Variants in MCC observed in about 807,000 individuals in gnomAD.
MCC encodes the protein MCC regulator of Wnt signaling pathway.
In MCC, 90 loss-of-function variants were observed where a neutral mutation model predicts 116.2. That is an observed-to-expected ratio of 0.77 (90% confidence interval 0.65 to 0.92). The LOEUF is 0.92. Ranked by LOEUF, MCC falls within the 40% of genes least tolerant of loss-of-function variation. The pLI, the probability that MCC is intolerant of heterozygous loss-of-function variation, is 0.00. For missense variants in MCC, 1,516 were observed against 1,312.2 expected (o/e 1.16, Z -2.40); for synonymous variants, 578 against 510.5 (o/e 1.13, Z -1.78).
chr5:113,292,189 A>C (rs763042002), intron 3 of MCC, among the ~76,000 whole-genome samples: 5 of 152,246 alleles, frequency 3.3e-5, no homozygotes, highest in Non-Finnish European at 7.4e-5. Context: ...CCGAGATTGC[A>C]CCACTGCACT....
At chr5:113,161,053 T>C (rs964562755) in intron 3 of MCC, among the ~76,000 whole-genome samples, 8 of 152,144 alleles carry the variant, frequency 5.3e-5, no homozygotes, top group Non-Finnish European at 1.2e-4. Context: ...TGTAAGACAA[T>C]AGTAGCTATT....
intron 3 of MCC, among the ~76,000 whole-genome samples, chr5:113,251,920 C>G (rs73779002): frequency 0.058 from 8,889 of 152,176 alleles, 848 homozygotes; most frequent in African/African-American, 0.2. Context: ...AGAAGAGGAA[C>G]AGGAGCAGAG....
At chr5:113,127,444 C>G (rs548610975) in intron 5 of MCC, among the ~76,000 whole-genome samples, 2 of 152,274 alleles carry the variant, frequency 1.3e-5, no homozygotes, top group South Asian at 4.1e-4. Context: ...CCCACAATGA[C>G]TGAACTCATT....
intron 3 of MCC, among the ~76,000 whole-genome samples, chr5:113,272,588 T>C (rs992723835): frequency 2.0e-5 from 3 of 152,312 alleles, no homozygotes; most frequent in East Asian, 1.9e-4. Flanking sequence ...TTTCTAATTA[T>C]CAGGATACAC....
In MCC at chr5:113,321,495, G is replaced by C. The variant is rs74574042; in HGVS notation, c.627+19024C>G. ...GAGAGGAAATGCATAAACCAGGCAA[G>C]TGCGGAGCCCACATTAGGAAACTCC... On this transcript the variant is annotated intron_variant, in intron 3 of 18. Transcript: ENST00000408903. Among the ~76,000 whole-genome samples, 1,369 of 152,314 alleles carry C rather than the reference G, an allele frequency of 9.0e-3. 28 individuals carry two copies. Among genetic ancestry groups the C allele is most frequent in the African/African-American group, 0.032 (1,329 of 41,578 alleles).
chr5:113,345,458 G>T (rs997412321), intron 2 of MCC, among the ~76,000 whole-genome samples: 1 of 152,228 alleles, frequency 6.6e-6, no homozygotes, highest in Non-Finnish European at 1.5e-5. Flanking sequence ...CCTTGGGTGA[G>T]ATCCAGTGCT....
chr5:113,443,355 G>A (rs962970866), intron 1 of MCC, among the ~76,000 whole-genome samples: 18 of 152,264 alleles, frequency 1.2e-4, no homozygotes, highest in African/African-American at 2.9e-4. Context: ...TTTCTATCCC[G>A]AGACACTGCT....
chr5:113,080,250 C>G (rs1161154162), intron 11 of MCC, among the ~76,000 whole-genome samples: 1 of 152,204 alleles, frequency 6.6e-6, no homozygotes, highest in Non-Finnish European at 1.5e-5. Flanking sequence ...TGTGGTGATT[C>G]CTCAAGGATC....
At chr5:113,405,091 A>C (rs1228236756) in intron 1 of MCC, among the ~76,000 whole-genome samples, 1 of 152,256 alleles carries the variant, frequency 6.6e-6, no homozygotes, top group Non-Finnish European at 1.5e-5. Context: ...TACCAGCTCT[A>C]TAGTGGCAGT....
At chr5:113,032,427 AAAAG>A (rs1207397076) in intron 17 of MCC, among the ~76,000 whole-genome samples, 95 of 152,152 alleles carry the variant, frequency 6.2e-4, no homozygotes, top group African/African-American at 2.2e-3. Context: ...AAAAAAAAAA[AAAAG>A]GATACTGATT....
At chr5:113,473,670 A>C (rs758090735) in intron 1 of MCC, among the ~76,000 whole-genome samples, 152 of 152,368 alleles carry the variant, frequency 1.0e-3, no homozygotes, top group Non-Finnish European at 2.8e-4. Context: ...TTAGGAATTG[A>C]CAAAAAATCC....
chr5:113,158,729 TAATA>T (rs1760314562), intron 3 of MCC, among the ~76,000 whole-genome samples: 2 of 152,170 alleles, frequency 1.3e-5, no homozygotes, highest in East Asian at 1.9e-4. Context: ...TGAAGAAAAC[TAATA>T]AATATTAGGT....
intron 2 of MCC, among the ~76,000 whole-genome samples, chr5:113,382,362 T>C (rs1769146145): frequency 6.6e-6 from 1 of 151,708 alleles, no homozygotes; most frequent in African/African-American, 2.4e-5. Flanking sequence ...CCTCTAACTC[T>C]TGGGCTCAAG....
chr5:113,333,793 A>ATATATATG lies in MCC; in HGVS notation c.627+6718_627+6725dup, dbSNP rs201234572. On this transcript the variant is annotated intron_variant, in intron 3 of 18. Coordinates refer to ENST00000408903, the MANE Select transcript of MCC (RefSeq NM_001085377.2). The stretch of plus-strand genomic sequence containing the variant: ...ATGTCTTTGCTTCATATATATTTAT[A>ATATATATG]TATATATGTATATATGTATATATGT... Among the ~76,000 whole-genome samples, 94 of 54,806 alleles carry ATATATATG rather than the reference A, an allele frequency of 1.7e-3. 2 individuals carry two copies. Among genetic ancestry groups the ATATATATG allele is most frequent in the Non-Finnish European group, 2.9e-3 (79 of 26,946 alleles). 36.0% of individuals were successfully genotyped at this position (54,806 alleles called of 152,430 possible).
intron 6 of MCC, among the ~76,000 whole-genome samples, chr5:113,111,978 G>A (rs1378093452): frequency 6.6e-6 from 1 of 152,130 alleles, no homozygotes; most frequent in Non-Finnish European, 1.5e-5. Context: ...GTTAAAAGTT[G>A]CTTTTTTAAA....
intron 16 of MCC, among the ~76,000 whole-genome samples, chr5:113,044,863 C>G (rs941349369): frequency 1.3e-5 from 2 of 152,154 alleles, no homozygotes; most frequent in East Asian, 3.8e-4. Context: ...CGTGAGCCAC[C>G]GCACCTGGCC....
intron 18 of MCC, among the ~76,000 whole-genome samples, chr5:113,028,464 C>A (rs1234314867): frequency 1.3e-5 from 2 of 151,792 alleles, no homozygotes; most frequent in African/African-American, 4.8e-5. Context: ...TCAATAAATA[C>A]AACTTACAGG....
At chr5:113,416,226 C>T (rs577740363) in intron 1 of MCC, among the ~76,000 whole-genome samples, 87 of 152,238 alleles carry the variant, frequency 5.7e-4, no homozygotes, top group Non-Finnish European at 5.7e-4. Context: ...AATAAGGTCC[C>T]GACTTTTCTG....
intron 3 of MCC, among the ~76,000 whole-genome samples, chr5:113,209,238 T>G (rs967928302): frequency 5.3e-5 from 8 of 152,226 alleles, no homozygotes; most frequent in Non-Finnish European, 1.0e-4. Context: ...AGGGAACAGT[T>G]GACATGTTTA....
Sources: allele counts gnomAD v4.1 joint callset (sites outside exome capture counted in the v4.1 genomes callset), GRCh38; gene constraint gnomAD v4.1.1; transcripts MANE v1.5; gene names NCBI Gene and HGNC (gene_info 2026-07-23, HGNC 2026-07-21).